MED27: variants seen among roughly 807,000 people sequenced by gnomAD.
MED27 encodes the protein mediator of RNA polymerase II transcription subunit 27.
In MED27, 30 loss-of-function variants were observed where a neutral mutation model predicts 38.2. That is an observed-to-expected ratio of 0.79 (90% CI 0.59 to 1.07). MED27 has a LOEUF of 1.07. Ranked by LOEUF, MED27 falls within the 50% of genes least tolerant of loss-of-function variation. The pLI is 0.00. For synonymous variants in MED27, 122 were observed against 153.5 expected (o/e 0.79, Z 1.52); for missense variants, 289 against 397.5 (o/e 0.73, Z 2.32).
At chr9:131,900,232 C>A (rs541251718) in intron 4 of MED27, among the ~76,000 whole-genome samples, 9 of 152,316 alleles carry the variant, frequency 5.9e-5, no homozygotes, top group African/African-American at 9.6e-5. Flanking sequence ...CTAGCCCCCC[C>A]ATCAGGTCAG....
rs181758390 is a variant in MED27, at chr9:131,907,401, G to T, written c.574-13409C>A. Among the ~76,000 whole-genome samples, 1,321 of 152,240 alleles carry T rather than the reference G, an allele frequency of 8.7e-3. 18 individuals carry two copies. The highest frequency in any genetic ancestry group is 0.03 in the African/African-American group (1,239 of 41,544). ...CCTGACTGGTTTTCGTATTTTTTTG[G>T]TGGAGACGGGGTTTCGCCGTGTTGG... On this transcript the variant is annotated intron_variant, in intron 4 of 7. Transcript: ENST00000292035.
chr9:131,884,590 C>T (rs907085037), intron 5 of MED27, among the ~76,000 whole-genome samples: 1 of 151,176 alleles, frequency 6.6e-6, no homozygotes, highest in African/African-American at 2.4e-5. Flanking sequence ...GTACCTGTTA[C>T]CTTGATTCTC....
At chr9:131,960,413 C>T (rs565363594) in intron 3 of MED27, among the ~76,000 whole-genome samples, 12 of 152,146 alleles carry the variant, frequency 7.9e-5, no homozygotes, top group East Asian at 5.8e-4. Context: ...TGTGTGTGTG[C>T]GCTCGTGCAC....
chr9:131,950,497 T>C (rs886860661), intron 3 of MED27, among the ~76,000 whole-genome samples: 8 of 152,220 alleles, frequency 5.3e-5, no homozygotes, highest in Non-Finnish European at 1.2e-4. Context: ...GCCGCACACG[T>C]GTAGAACCAT....
At chr9:131,870,417 C>T (rs1024486996) in intron 6 of MED27, among the ~76,000 whole-genome samples, 9 of 152,198 alleles carry the variant, frequency 5.9e-5, no homozygotes, top group African/African-American at 7.2e-5. Context: ...TGTGTCCCCT[C>T]GTGGTTTTAG....
chr9:132,005,809 G>T (rs189971717), intron 3 of MED27, among the ~76,000 whole-genome samples: 1 of 152,292 alleles, frequency 6.6e-6, no homozygotes, highest in Non-Finnish European at 1.5e-5. Context: ...GGCAAAAGCA[G>T]CTGTCTCAGT....
At chr9:131,965,701 A>C (rs1831323369) in intron 3 of MED27, among the ~76,000 whole-genome samples, 1 of 152,168 alleles carries the variant, frequency 6.6e-6, no homozygotes, top group South Asian at 2.1e-4. Flanking sequence ...CTACATGTCG[A>C]TTAAAGTCCT....
intron 3 of MED27, among the ~76,000 whole-genome samples, chr9:131,995,177 T>C (rs200251337): frequency 6.6e-6 from 1 of 152,058 alleles, no homozygotes; most frequent in East Asian, 1.9e-4. Context: ...GACATGTACA[T>C]GGGCATATGG....
chr9:132,053,201 C>G (rs568396205), intron 2 of MED27, among the ~76,000 whole-genome samples: 16 of 150,998 alleles, frequency 1.1e-4, no homozygotes, highest in Admixed American at 8.6e-4. Flanking sequence ...TGCAGTGAGC[C>G]GAGATCGCGC....
chr9:131,924,181 T>A (rs1221470471), intron 4 of MED27, among the ~76,000 whole-genome samples: 1 of 152,248 alleles, frequency 6.6e-6, no homozygotes, highest in East Asian at 1.9e-4. Flanking sequence ...TGGATGAATC[T>A]GCATTCTCAT....
chr9:131,907,642 C>T (rs1334850097), intron 4 of MED27, among the ~76,000 whole-genome samples: 6 of 151,994 alleles, frequency 3.9e-5, no homozygotes, highest in South Asian at 2.1e-4. Context: ...GCCGCCACCC[C>T]GTCTGGGAAG....
intron 4 of MED27, among the ~76,000 whole-genome samples, chr9:131,923,989 T>C (rs1830440130): frequency 6.6e-6 from 1 of 152,248 alleles, no homozygotes; most frequent in Non-Finnish European, 1.5e-5. Flanking sequence ...TGTGGCTCCA[T>C]TGTGCGAGTG....
chr9:131,941,484 G>A (rs1324215791), intron 3 of MED27, among the ~76,000 whole-genome samples: 1 of 152,126 alleles, frequency 6.6e-6, no homozygotes, highest in African/African-American at 2.4e-5. Context: ...TTTCCTTAGA[G>A]AATGTTATGT....
chr9:132,017,192 C>G (rs1445369296), intron 2 of MED27, among the ~76,000 whole-genome samples: 1 of 152,136 alleles, frequency 6.6e-6, no homozygotes, highest in South Asian at 2.1e-4. Flanking sequence ...CAGCTCCTGT[C>G]CAACTGGATT....
intron 2 of MED27, among the ~76,000 whole-genome samples, chr9:132,047,982 T>C (rs1833379126): frequency 6.6e-6 from 1 of 152,184 alleles, no homozygotes; most frequent in Admixed American, 6.5e-5. Flanking sequence ...ATGTGGGAGT[T>C]ATTTATATCC....
intron 3 of MED27, among the ~76,000 whole-genome samples, chr9:131,998,487 G>A (rs916001262): frequency 1.3e-5 from 2 of 152,124 alleles, no homozygotes; most frequent in African/African-American, 2.4e-5. Flanking sequence ...AATGAGGGTA[G>A]AAAGGAGATG....
At chr9:131,900,816 AAT>A (rs1427686363) in intron 4 of MED27, among the ~76,000 whole-genome samples, 1 of 152,098 alleles carries the variant, frequency 6.6e-6, no homozygotes, top group Non-Finnish European at 1.5e-5. Flanking sequence ...ACCATCCATG[AAT>A]GTTATTTTCT....
chr9:132,044,010 A>G (rs1833278581), intron 2 of MED27, among the ~76,000 whole-genome samples: 1 of 152,206 alleles, frequency 6.6e-6, no homozygotes, highest in African/African-American at 2.4e-5. Context: ...TCTTTGCTAT[A>G]TTCTCCAAAA....
chr9:132,073,198 C>T (rs930937492), intron 2 of MED27, among the ~76,000 whole-genome samples: 1 of 152,112 alleles, frequency 6.6e-6, no homozygotes, highest in Non-Finnish European at 1.5e-5. Flanking sequence ...CCAGCCCTGG[C>T]CTCCATCATA....
Sources: gnomAD v4.1 joint callset for allele counts (sites outside exome capture counted in the v4.1 genomes callset) on GRCh38, gnomAD v4.1.1 for gene constraint, MANE v1.5 for transcripts, NCBI Gene and HGNC (gene_info 2026-07-23, HGNC 2026-07-21) for gene names.